ERC2: variants seen among roughly 807,000 people sequenced by gnomAD.
The protein encoded by ERC2 is ERC protein 2.
ERC2 carries 42 observed loss-of-function variants against 114.8 expected under a neutral mutation model. The ratio of observed to expected loss-of-function variants is 0.37; its 90% CI spans 0.29 to 0.47. The LOEUF (loss-of-function observed/expected upper bound fraction) is 0.47, where lower values mean the gene tolerates loss of function less well. Ranked by LOEUF, ERC2 falls within the 20% of genes least tolerant of loss-of-function variation. The probability of loss-of-function intolerance (pLI) is 0.99; values close to 1 mark genes in which losing one functional copy is unlikely to be tolerated. For synonymous variants in ERC2, 454 were observed against 425.5 expected, an observed-to-expected ratio of 1.07 and a Z score of -0.82; for missense variants, 939 against 1,150.7, an observed-to-expected ratio of 0.82 and a Z score of 2.66.
intron 14 of ERC2, among the ~76,000 whole-genome samples, chr3:55,766,126 A>G (rs577480610): frequency 9.9e-5 from 15 of 152,212 alleles, no homozygotes; most frequent in Non-Finnish European, 2.1e-4. Context: ...TTCAAAGCCC[A>G]GGCCACACAC....
At chr3:56,324,729 G>A (rs542713217) in intron 2 of ERC2, among the ~76,000 whole-genome samples, 23 of 152,200 alleles carry the variant, frequency 1.5e-4, no homozygotes, top group African/African-American at 5.5e-4. Context: ...AGATGTAACT[G>A]AACCTGCAGG....
At chr3:56,402,364 C>A (rs1002837406) in intron 2 of ERC2, among the ~76,000 whole-genome samples, 1 of 152,170 alleles carries the variant, frequency 6.6e-6, no homozygotes, top group African/African-American at 2.4e-5. Flanking sequence ...CCCTTTGTTG[C>A]CATGGTAATG....
rs1007230447 is a variant in ERC2, at chr3:55,947,062, C to T, written c.2403+3363G>A. 5.3e-5 allele frequency among the ~76,000 whole-genome samples: 8 copies of T among 152,160 alleles called. No homozygotes were observed. In the South Asian group the frequency reaches 1.5e-3, roughly 28 times the overall value. On this transcript the variant is annotated intron_variant, in intron 13 of 17. Coordinates refer to ENST00000288221, the MANE Select transcript of ERC2 (RefSeq NM_015576.3). ...CATGTGCACATGTGCTTCACAGGATCCCAGAGTGTTTAAAAATTCAACTAA... is the reference window on the plus strand; with the variant it reads ...CATGTGCACATGTGCTTCACAGGATTCCAGAGTGTTTAAAAATTCAACTAA...
chr3:56,249,952 G>T (rs969791891), intron 3 of ERC2, among the ~76,000 whole-genome samples: 5 of 147,912 alleles, frequency 3.4e-5, no homozygotes, highest in Admixed American at 6.9e-5. Flanking sequence ...CCACCTCCCG[G>T]GTTCAAGCGA....
chr3:55,843,723 C>T (rs539060718), intron 14 of ERC2, among the ~76,000 whole-genome samples: 1 of 152,186 alleles, frequency 6.6e-6, no homozygotes, highest in Non-Finnish European at 1.5e-5. Flanking sequence ...AATCCCACTG[C>T]AAAAATGTGT....
At chr3:55,791,890 T>C (rs1394622696) in intron 14 of ERC2, among the ~76,000 whole-genome samples, 1 of 152,224 alleles carries the variant, frequency 6.6e-6, no homozygotes, top group African/African-American at 2.4e-5. Flanking sequence ...TCCACCTTCC[T>C]ATTGATTAGC....
chr3:56,272,253 G>C (rs2053701819), intron 3 of ERC2, among the ~76,000 whole-genome samples: 1 of 152,134 alleles, frequency 6.6e-6, no homozygotes, highest in Admixed American at 6.5e-5. Context: ...AACCCCAAAA[G>C]TATATCACTT....
At chr3:55,908,440 G>A (rs1259785386) in intron 13 of ERC2, among the ~76,000 whole-genome samples, 1 of 152,116 alleles carries the variant, frequency 6.6e-6, no homozygotes, top group Non-Finnish European at 1.5e-5. Flanking sequence ...GCCAGGAAAT[G>A]TTCAGAAAGC....
chr3:55,737,808 G>C (rs899327271), intron 14 of ERC2, among the ~76,000 whole-genome samples: 2 of 152,108 alleles, frequency 1.3e-5, no homozygotes, highest in Non-Finnish European at 2.9e-5. Context: ...AAACTTTCAA[G>C]GCCGTTTGTA....
chr3:55,846,685 CT>C (rs2061377107), intron 14 of ERC2, among the ~76,000 whole-genome samples: 1 of 109,720 alleles, frequency 9.1e-6, no homozygotes, highest in African/African-American at 4.6e-5. Context: ...CTCTCTCTCT[CT>C]CTCTCTTTCT....
intron 17 of ERC2, among the ~76,000 whole-genome samples, chr3:55,565,333 C>A (rs1190747418): frequency 6.6e-6 from 1 of 152,004 alleles, no homozygotes; most frequent in Non-Finnish European, 1.5e-5. Flanking sequence ...ATAATAATAA[C>A]CAGATAGCTG....
At chr3:56,177,874 T>C (rs2083065246) in intron 3 of ERC2, among the ~76,000 whole-genome samples, 1 of 152,192 alleles carries the variant, frequency 6.6e-6, no homozygotes, top group South Asian at 2.1e-4. Context: ...CTAGCTGGTA[T>C]TTCTAGTCCC....
At chr3:55,752,139 A>G (rs929198239) in intron 14 of ERC2, among the ~76,000 whole-genome samples, 1 of 152,178 alleles carries the variant, frequency 6.6e-6, no homozygotes, top group Admixed American at 6.5e-5. Flanking sequence ...AAAATCTGTT[A>G]GCCCCACCTA....
At chr3:56,333,209 C>A (rs1309031070) in intron 2 of ERC2, among the ~76,000 whole-genome samples, 4 of 152,196 alleles carry the variant, frequency 2.6e-5, no homozygotes, top group Non-Finnish European at 4.4e-5. Context: ...CTGAAACAAG[C>A]TCCCAAGGGC....
At chr3:56,070,467 T>TA (rs2076681707) in intron 7 of ERC2, among the ~76,000 whole-genome samples, 1 of 147,272 alleles carries the variant, frequency 6.8e-6, no homozygotes, top group Non-Finnish European at 1.5e-5. Context: ...CAAACCTTTT[T>TA]TAAAAAAAAA....
At chr3:56,192,148 A>C (rs985389491) in intron 3 of ERC2, among the ~76,000 whole-genome samples, 4 of 152,096 alleles carry the variant, frequency 2.6e-5, no homozygotes, top group Non-Finnish European at 5.9e-5. Context: ...ACATCTCTCC[A>C]ACATTCTTCA....
At chr3:56,226,860 C>T (rs138594414) in intron 3 of ERC2, among the ~76,000 whole-genome samples, 185 of 152,278 alleles carry the variant, frequency 1.2e-3, no homozygotes, top group African/African-American at 4.4e-3. Flanking sequence ...TACCCTTCTT[C>T]TCCAATAATG....
intron 5 of ERC2, among the ~76,000 whole-genome samples, chr3:56,140,382 T>G (rs1036448417): frequency 5.9e-5 from 9 of 152,254 alleles, no homozygotes; most frequent in African/African-American, 1.9e-4. Flanking sequence ...TCCATAAATA[T>G]ACACTATTTG....
intron 14 of ERC2, among the ~76,000 whole-genome samples, chr3:55,859,338 CT>C (rs1410083885): frequency 6.6e-6 from 1 of 151,894 alleles, no homozygotes; most frequent in African/African-American, 2.4e-5. Context: ...CGCAGTAACT[CT>C]AAACTGTTTA....
Sources: allele counts gnomAD v4.1 joint callset (sites outside exome capture counted in the v4.1 genomes callset), GRCh38; gene constraint gnomAD v4.1.1; transcripts MANE v1.5; gene names NCBI Gene and HGNC (gene_info 2026-07-23, HGNC 2026-07-21).